RFX1: variants seen among roughly 807,000 people sequenced by gnomAD.
The protein encoded by RFX1 is regulatory factor X1, also known as MHC class II regulatory factor RFX1.
In RFX1, 42 loss-of-function variants were observed where a neutral mutation model predicts 119.6. The ratio of observed to expected loss-of-function variants is 0.35; its 90% CI spans 0.27 to 0.45. The LOEUF (loss-of-function observed/expected upper bound fraction) is 0.45. Ranked by LOEUF, RFX1 falls within the 20% of genes least tolerant of loss-of-function variation. RFX1 has a pLI of 1.00. For synonymous variants in RFX1, 628 were observed against 618.5 expected (o/e 1.02, Z -0.23); for missense variants, 1,118 against 1,368.1 (o/e 0.82, Z 2.88).
chr19:13,964,412 G>A (rs1267707778), intron 16 of RFX1, among the ~76,000 whole-genome samples: 2 of 142,224 alleles, frequency 1.4e-5, no homozygotes, highest in African/African-American at 5.8e-5. Flanking sequence ...AAAAACGAAA[G>A]AACACAATAG....
rs763681217 is a variant in RFX1, at chr19:13,985,724, A to G, written c.320-2129T>C. Among the ~76,000 whole-genome samples the G allele has an allele frequency of 3.3e-5, 5 of 152,210 alleles. No homozygotes were observed. The highest frequency in any genetic ancestry group is 5.9e-5 in the Non-Finnish European group (4 of 68,032). Reference sequence around the variant, plus strand: ...AGGAAGGAAAGTAAGCTGGGGGTCTACGGGGACCCCTCAAAGTCTGAAGTA... The same window carrying G: ...AGGAAGGAAAGTAAGCTGGGGGTCTGCGGGGACCCCTCAAAGTCTGAAGTA... On this transcript the variant is annotated intron_variant, in intron 2 of 20. Coordinates refer to ENST00000254325, the MANE Select transcript of RFX1 (RefSeq NM_002918.5). This position sits in a 1 kb window ranked among gnomAD's most constrained non-coding sequence, Gnocchi z 4.3.
intron 12 of RFX1, among the ~76,000 whole-genome samples, chr19:13,967,744 C>T (rs1181025049): frequency 1.3e-5 from 2 of 152,060 alleles, no homozygotes; most frequent in African/African-American, 2.4e-5. Flanking sequence ...TCCCAAAGTG[C>T]TGGGATTACA....
Position 13,968,431 on chromosome 19 carries a change from C to T in RFX1, c.1732+134G>A, listed in dbSNP as rs1486832108. 3.3e-5 allele frequency: 23 copies of T among 701,718 alleles called. No individual in the cohort carries two copies. The highest frequency in any genetic ancestry group is 5.1e-5 in the Non-Finnish European group (20 of 389,246). The allele number at this position is 701,718 out of a possible 1,614,324, so 43.5% of individuals were successfully genotyped here. ...CGGAGACTGTGATGTCTCCCCCACCCCCTGCTGGTTCTCGGGCATCTCTCA... is the reference window on the plus strand; with the variant it reads ...CGGAGACTGTGATGTCTCCCCCACCTCCTGCTGGTTCTCGGGCATCTCTCA... On this transcript the variant is annotated intron_variant, in intron 12 of 20. Transcript: ENST00000254325. The surrounding 1 kb of genome is among the most constrained non-coding windows in gnomAD (Gnocchi z 5.5).
chr19:13,998,276 G>A (rs996898788), intron 1 of RFX1: 1 of 152,234 alleles, frequency 6.6e-6, no homozygotes, highest in Non-Finnish European at 1.5e-5. Context: ...GCTGAGGTCA[G>A]GAGTTCGAGA....
Position 13,993,534 on chromosome 19 carries a change from T to C in RFX1, c.310A>G (p.Thr104Ala). 6.2e-7 allele frequency: 1 copy of C among 1,612,274 alleles called. No homozygotes were observed. The highest frequency in any genetic ancestry group is 1.7e-4 in the Middle Eastern group (1 of 5,960). The change falls in exon 2 of 21, where the codon ACT becomes GCT. Residue 104 changes from threonine (T) to alanine (A), a missense_variant. By Grantham distance (58) the Thr-to-Ala change is moderately conservative. Coordinates refer to ENST00000254325, the MANE Select transcript of RFX1 (RefSeq NM_002918.5). ...SPAPQQYIVVTVSEGAMRASE... is the reference protein window; with the variant it reads ...SPAPQQYIVVAVSEGAMRASE... ...CGAGCGCGGCACTTACCAGAGACAGTGACCACGATGTACTGCTGGGGTGCA... is the reference window on the plus strand; with the variant it reads ...CGAGCGCGGCACTTACCAGAGACAGCGACCACGATGTACTGCTGGGGTGCA...
intron 1 of RFX1, among the ~76,000 whole-genome samples, chr19:14,001,067 A>AAAAAC (rs1249581396): frequency 6.6e-6 from 1 of 152,100 alleles, no homozygotes; most frequent in African/African-American, 2.4e-5. Context: ...AAAAAAAACA[A>AAAAAC]AAAACAAAAC....
chr19:13,994,315 C>T (rs1568480819), intron 1 of RFX1, among the ~76,000 whole-genome samples: 1 of 152,188 alleles, frequency 6.6e-6, no homozygotes, highest in Non-Finnish European at 1.5e-5. Flanking sequence ...CTGCCCCCTC[C>T]CTTGCCTCCA....
At chr19:13,964,403 A>ATTTTT (rs1362471691) in intron 16 of RFX1, among the ~76,000 whole-genome samples, 2,912 of 145,996 alleles carry the variant, frequency 0.02, 115 homozygotes, top group African/African-American at 0.071. Flanking sequence ...TTTTTTTTTA[A>ATTTTT]AAACGAAAGA....
chr19:13,964,847 T>C lies in RFX1; in HGVS notation c.2211+602A>G, dbSNP rs1380615757. Among the ~76,000 whole-genome samples, 6 of 152,314 alleles carry C rather than the reference T, an allele frequency of 3.9e-5. No homozygotes were observed. In the East Asian group the frequency reaches 9.6e-4, roughly 24 times the overall value. ...ACAGGGGTTTTGTCCATCTTGTTCA[T>C]TGCTGTGTACTGAGAAGGAGGTTGT... On this transcript the variant is annotated intron_variant, in intron 16 of 20. Coordinates refer to ENST00000254325, the MANE Select transcript of RFX1 (RefSeq NM_002918.5).
chr19:13,968,545 A>C lies in RFX1; in HGVS notation c.1732+20T>G, dbSNP rs372478527. The C allele has an allele frequency of 1.2e-4, 186 of 1,589,506 alleles. No individual in the cohort carries two copies. Among genetic ancestry groups the C allele is most frequent in the Non-Finnish European group, 1.5e-4 (178 of 1,158,418 alleles). ...GCAGGGAGGCGGTGGTTGGGGAAGC[A>C]CGGGCCAGGGAGCTCTCACCCAAAA... is the stretch of plus-strand genomic sequence containing the variant. On this transcript the variant is annotated intron_variant, in intron 12 of 20. Coordinates refer to ENST00000254325, the MANE Select transcript of RFX1 (RefSeq NM_002918.5). This position sits in a 1 kb window ranked among gnomAD's most constrained non-coding sequence, Gnocchi z 5.5.
chr19:13,979,528 C>G lies in RFX1; in HGVS notation c.753G>C (p.Gln251His). ...CGGGTTTGGGCGCTTGTGGAGTGGC[C>G]TGGACCACAGATCTCTGGGAGGGGA... is the stretch of plus-strand genomic sequence containing the variant. ...VPVTQERSVV[Q>H]ATPQAPKPGP... Residue 251 changes from glutamine (Q) to histidine (H), a missense_variant, in exon 7 of 21, where the codon CAG (glutamine) becomes CAC (histidine). Gln to His is a conservative substitution (Grantham distance 24, BLOSUM62 0). Around this residue, in one of 5 missense-constraint regions of RFX1, gnomAD observed 542 missense variants for 602.7 expected, o/e 0.90. Coordinates refer to ENST00000254325, the MANE Select transcript of RFX1 (RefSeq NM_002918.5). The G allele has an allele frequency of 6.3e-7, 1 of 1,593,880 alleles. No homozygotes were observed. Among genetic ancestry groups the G allele is most frequent in the Non-Finnish European group, 8.6e-7 (1 of 1,168,866 alleles).
intron 2 of RFX1, among the ~76,000 whole-genome samples, chr19:13,984,296 T>C (rs929214782): frequency 3.1e-4 from 45 of 146,150 alleles, no homozygotes; most frequent in Admixed American, 1.4e-3. Context: ...CCTGCCTCTA[T>C]AGAACAGCAG....
intron 1 of RFX1, among the ~76,000 whole-genome samples, chr19:14,001,541 TCCTCATGTCTCAG>T (rs1398770106): frequency 5.3e-5 from 8 of 152,186 alleles, no homozygotes; most frequent in Non-Finnish European, 1.2e-4. Context: ...GCTTAAGTGA[TCCTCATGTCTCAG>T]CCTCCCGAAG....
chr19:13,970,051 A>G lies in RFX1; in HGVS notation c.1439T>C (p.Phe480Ser). 6.2e-7 allele frequency: 1 copy of G among 1,614,098 alleles called. No homozygotes were observed. Among genetic ancestry groups the G allele is most frequent in the Non-Finnish European group, 8.5e-7 (1 of 1,179,992 alleles). Residue 480 changes from phenylalanine (F) to serine (S), a missense_variant, in exon 10 of 21, where the codon TTC becomes TCC. Around this residue, in one of 5 missense-constraint regions of RFX1, gnomAD observed 338 missense variants for 508.9 expected, o/e 0.66. Coordinates refer to ENST00000254325, the MANE Select transcript of RFX1 (RefSeq NM_002918.5). ...QKLEPVNAAS[F>S]GKLIRSVFMG... ...GAAGACGGAGCGGATGAGCTTGCCG[A>G]AGGAGGCGGCGTTGACGGGCTCCAG...
chr19:13,976,721 C>G (rs764459325), intron 8 of RFX1, among the ~76,000 whole-genome samples: 68 of 152,256 alleles, frequency 4.5e-4, no homozygotes, highest in Non-Finnish European at 8.8e-4. Context: ...CGGGTAGAGG[C>G]TGGGCACTGT....
intron 5 of RFX1, 61 bp downstream of exon 5, chr19:13,982,060 G>A: frequency 1.2e-6 from 1 of 816,250 alleles, no homozygotes; most frequent in African/African-American, 1.8e-5. Flanking sequence ...ATACTATGGG[G>A]ATACATTGCT....
chr19:13,976,416 G>A (rs1324791522), intron 8 of RFX1, among the ~76,000 whole-genome samples: 1 of 152,242 alleles, frequency 6.6e-6, no homozygotes, highest in East Asian at 1.9e-4. Flanking sequence ...GAGGGAAGGT[G>A]GCATGGAGGA....
In RFX1 at chr19:13,980,731, T is replaced by C. The variant is rs10406537; in HGVS notation, c.622-42A>G. The C allele has an allele frequency of 9.9e-4, 1,193 of 1,199,388 alleles. 1 individual carries two copies. Among genetic ancestry groups the C allele is most frequent in the Middle Eastern group, 1.3e-3 (7 of 5,206 alleles). 74.3% of individuals were successfully genotyped at this position (1,199,388 alleles called of 1,614,324 possible). A position where few individuals can be genotyped will look rare whatever the true frequency, so the allele number is the denominator to read the frequency against. On this transcript the variant is annotated intron_variant, in intron 5 of 20. Transcript: ENST00000254325. This position sits in a 1 kb window ranked among gnomAD's most constrained non-coding sequence, Gnocchi z 5.1. ...CACAGGAGTGCCGCTGGGGTGGGCT[T>C]GCATCCTCTCTGAGGTGGGCTCACA... is the stretch of plus-strand genomic sequence containing the variant.
intron 8 of RFX1, among the ~76,000 whole-genome samples, chr19:13,977,423 T>TG (rs1974283231): frequency 6.9e-6 from 1 of 144,648 alleles, no homozygotes; most frequent in Non-Finnish European, 1.5e-5. Flanking sequence ...AGTCAAATGA[T>TG]TTTTTTTTTT....
Sources: allele counts gnomAD v4.1 joint callset (sites outside exome capture counted in the v4.1 genomes callset), GRCh38; gene constraint gnomAD v4.1.1; regional missense constraint gnomAD v4.1.1; non-coding constraint Gnocchi (gnomAD v3.1); transcripts MANE v1.5; gene names NCBI Gene and HGNC (gene_info 2026-07-23, HGNC 2026-07-21).